The following ALDH1L1 variants were observed in gnomAD, a reference collection of about 807,000 sequenced individuals.
ALDH1L1 encodes aldehyde dehydrogenase 1 family member L1, also known as cytosolic 10-formyltetrahydrofolate dehydrogenase.
In ALDH1L1, 68 loss-of-function variants were observed where a neutral mutation model predicts 101.1. The ratio of observed to expected loss-of-function variants is 0.67; its 90% CI spans 0.55 to 0.82. ALDH1L1 has a LOEUF of 0.82. Ranked by LOEUF, ALDH1L1 falls within the 40% of genes least tolerant of loss-of-function variation. The pLI is 0.00. For missense variants in ALDH1L1, 1,087 were observed against 1,172.7 expected (o/e 0.93, Z 1.07); for synonymous variants, 486 against 470.8 (o/e 1.03, Z -0.42).
At chr3:126,135,789 A>C (rs1286650453) in intron 11 of ALDH1L1, 127 bp from the exon 12 acceptor site, 1 of 1,217,052 alleles carries the variant, frequency 8.2e-7, no homozygotes. Context: ...GCAGGTGTGG[A>C]GGAGAAGCAT....
chr3:126,189,833 G>T (rs1373772532), intron 1 of ALDH1L1, among the ~76,000 whole-genome samples: 1 of 152,194 alleles, frequency 6.6e-6, no homozygotes, highest in Non-Finnish European at 1.5e-5. Flanking sequence ...TTTCCACTGG[G>T]AGTGAATCTG....
Position 126,130,276 on chromosome 3 carries a change from G to A in ALDH1L1, c.1641C>T (p.Ile547=). Reference sequence around the variant, plus strand: ...GGTTGCGGTTGGGTCTGGCCTGGTTGATGGGGATGGTGGAGCCCTGGAAGA... The same window carrying A: ...GGTTGCGGTTGGGTCTGGCCTGGTTAATGGGGATGGTGGAGCCCTGGAAGA... ...CDKIQGSTIP[I]NQARPNRNLT... Residue 547 remains isoleucine (I), a synonymous_variant, in exon 14 of 23, where the codon ATC becomes ATT. Transcript: ENST00000393434. 2 of 1,610,854 alleles carry A rather than the reference G, an allele frequency of 1.2e-6. No homozygotes were observed. Among genetic ancestry groups the A allele is most frequent in the Non-Finnish European group, 1.7e-6 (2 of 1,178,394 alleles).
At position 126,118,018 on chromosome 3, in the gene ALDH1L1, G is replaced by C. The variant is rs1429930269; in HGVS notation, c.1969C>G (p.His657Asp). 1 of 1,613,672 alleles carries C rather than the reference G, an allele frequency of 6.2e-7. No individual in the cohort carries two copies. Among genetic ancestry groups the C allele is most frequent in the Admixed American group, 1.7e-5 (1 of 59,986 alleles). Residue 657 changes from histidine to aspartate, a missense_variant, in exon 17 of 23, where the codon CAC (histidine) becomes GAC (aspartate). Coordinates refer to ENST00000393434, the MANE Select transcript of ALDH1L1 (RefSeq NM_012190.4). ...GFTGSTEVGK[H>D]IMKSCAISNV... ...CCAGCCACGCACCTTTTCATGATGT[G>C]CTTGCCCACCTCTGTGGAGCCTGTG...
At chr3:126,127,224 T>G (rs1327984445) in intron 14 of ALDH1L1, among the ~76,000 whole-genome samples, 1 of 152,154 alleles carries the variant, frequency 6.6e-6, no homozygotes, top group Non-Finnish European at 1.5e-5. Flanking sequence ...GAGCTGGCCC[T>G]GGCACGGGGT....
upstream of ALDH1L1, among the ~76,000 whole-genome samples, chr3:126,186,453 C>G (rs1296279365): frequency 6.6e-6 from 1 of 152,176 alleles, no homozygotes; most frequent in African/African-American, 2.4e-5. Context: ...GGTGCCATGG[C>G]CCAGGGCCAG....
At chr3:126,125,474 C>G in intron 15 of ALDH1L1, 142 bp downstream of exon 15, 1 of 521,726 alleles carries the variant, frequency 1.9e-6, no homozygotes, top group Non-Finnish European at 3.1e-6. Context: ...GAGTGGGGCC[C>G]ATGGAGGGCA....
intron 1 of ALDH1L1, among the ~76,000 whole-genome samples, chr3:126,172,078 A>G (rs983787067): frequency 2.0e-5 from 3 of 152,356 alleles, no homozygotes; most frequent in South Asian, 2.1e-4. Context: ...GCAAATAGTA[A>G]ACACATTCTA....
At chr3:126,184,462 T>G (rs1032357549), upstream of ALDH1L1, among the ~76,000 whole-genome samples, 1 of 152,336 alleles carries the variant, frequency 6.6e-6, no homozygotes, top group Admixed American at 6.5e-5. Flanking sequence ...AGGGCCTGTT[T>G]CATCTGTGTA....
At chr3:126,121,818 G>C (rs77793862) in intron 16 of ALDH1L1, among the ~76,000 whole-genome samples, 6,738 of 152,266 alleles carry the variant, frequency 0.044, 462 homozygotes, top group African/African-American at 0.15. Flanking sequence ...TTCCTTCTCA[G>C]CTCCCAGCGA....
chr3:126,118,141 T>A, intron 16 of ALDH1L1, 43 bp from the exon 17 acceptor site: 10 of 1,536,434 alleles, frequency 6.5e-6, no homozygotes, highest in Non-Finnish European at 8.1e-6. Flanking sequence ...GTCCCCCTGG[T>A]GCTGGGGAGG....
At chr3:126,164,472 G>GT (rs1242060295) in intron 1 of ALDH1L1, among the ~76,000 whole-genome samples, 1 of 152,220 alleles carries the variant, frequency 6.6e-6, no homozygotes. Context: ...AGAACGTGCA[G>GT]TATCTGGTTT....
In ALDH1L1 at chr3:126,110,005, G is replaced by A. The variant is rs1415900343; in HGVS notation, c.2286C>T (p.Cys762=). The change falls in exon 20 of 23, where the codon TGC becomes TGT. Residue 762 remains cysteine (C), a synonymous_variant. Coordinates refer to ENST00000393434, the MANE Select transcript of ALDH1L1 (RefSeq NM_012190.4). ...TGGCCCCTTCCTTCACGCCATGCTG[G>A]CAGTACTCCATCAGCTTCACAAGGT... is the stretch of plus-strand genomic sequence containing the variant. The part of the protein sequence containing the change: ...HAHLVKLMEY[C]QHGVKEGATL... The A allele has an allele frequency of 3.1e-6, 5 of 1,614,056 alleles. No homozygotes were observed. In the South Asian group the frequency reaches 4.4e-5, roughly 14 times the overall value.
chr3:126,112,190 G>T (rs1946099737), intron 19 of ALDH1L1, among the ~76,000 whole-genome samples: 1 of 152,168 alleles, frequency 6.6e-6, no homozygotes, highest in Admixed American at 6.5e-5. Context: ...GGATAAATCT[G>T]GTGGGAGACA....
rs138782863 is a variant in ALDH1L1, at chr3:126,137,912, A to G, written c.1125T>C (p.Asn375=). 4.3e-6 allele frequency: 7 copies of G among 1,613,812 alleles called. No homozygotes were observed. In the African/African-American group the frequency reaches 8.0e-5, roughly 18 times the overall value. Reference sequence around the variant, plus strand: ...AGGTGGATGCCATGTACACATCTTCATTTTCTAACTCCAGGCCATCACACA... The same window carrying G: ...AGGTGGATGCCATGTACACATCTTCGTTTTCTAACTCCAGGCCATCACACA... ...KELCDGLELE[N]EDVYMASTFG... The change falls in exon 10 of 23, where the codon AAT becomes AAC. Residue 375 remains asparagine (N), a synonymous_variant. Coordinates refer to ENST00000393434, the MANE Select transcript of ALDH1L1 (RefSeq NM_012190.4).
chr3:126,126,543 G>T (rs550668950), intron 14 of ALDH1L1, among the ~76,000 whole-genome samples: 5 of 151,832 alleles, frequency 3.3e-5, no homozygotes, highest in Non-Finnish European at 5.9e-5. Context: ...GAGGCATCAG[G>T]GGGGAGCAGC....
Position 126,150,386 on chromosome 3 carries a change from G to C in ALDH1L1, c.984+20C>G. The C allele has an allele frequency of 2.6e-6, 4 of 1,549,418 alleles. No individual in the cohort carries two copies. The highest frequency in any genetic ancestry group is 3.5e-6 in the Non-Finnish European group (4 of 1,146,060). On this transcript the variant is annotated intron_variant, in intron 8 of 22. Transcript: ENST00000393434. Reference sequence around the variant, plus strand: ...GCACAACCTGCCCAACTGGATGGCAGCCCTGAAGTTGCCTCTTACCCGCAC... The same window carrying C: ...GCACAACCTGCCCAACTGGATGGCACCCCTGAAGTTGCCTCTTACCCGCAC...
intron 9 of ALDH1L1, among the ~76,000 whole-genome samples, chr3:126,141,174 T>C (rs2080559752): frequency 6.6e-6 from 1 of 152,084 alleles, no homozygotes; most frequent in African/African-American, 2.4e-5. Flanking sequence ...AGAAGGACAT[T>C]ATATTGATAC....
Position 126,136,804 on chromosome 3 carries a change from C to T in ALDH1L1, c.1304G>A (p.Gly435Asp), listed in dbSNP as rs1204259323. The T allele has an allele frequency of 6.3e-7, 1 of 1,596,364 alleles. No individual in the cohort carries two copies. Reference sequence around the variant, plus strand: ...ATTGATGGTCTCAGAGGTCTTGGCGCCCTCGGCATCCACGAACTCCCCCCC... The same window carrying T: ...ATTGATGGTCTCAGAGGTCTTGGCGTCCTCGGCATCCACGAACTCCCCCCC... ...FIGGEFVDAE[G>D]AKTSETINPT... Residue 435 changes from glycine to aspartate, a missense_variant, in exon 11 of 23, where the codon GGC becomes GAC. Transcript: ENST00000393434.
intron 13 of ALDH1L1, among the ~76,000 whole-genome samples, chr3:126,130,870 T>A (rs1010942592): frequency 1.3e-5 from 2 of 152,186 alleles, no homozygotes; most frequent in Non-Finnish European, 2.9e-5. Flanking sequence ...CACTCCCTCC[T>A]ATGAGGTGTT....
Sources: allele counts gnomAD v4.1 joint callset (sites outside exome capture counted in the v4.1 genomes callset), GRCh38; gene constraint gnomAD v4.1.1; transcripts MANE v1.5; gene names NCBI Gene and HGNC (gene_info 2026-07-23, HGNC 2026-07-21).